Variants in SIRT5 observed in about 807,000 individuals in gnomAD.
SIRT5 encodes the protein sirtuin 5.
SIRT5 carries 26 observed loss-of-function variants against 40.0 expected under a neutral mutation model. The observed-to-expected ratio is 0.65, with a 90% confidence interval of 0.48 to 0.90. The LOEUF (loss-of-function observed/expected upper bound fraction) is 0.90. Among genes scored for constraint, SIRT5 ranks in the 40% least tolerant of loss-of-function variants. The probability of loss-of-function intolerance (pLI) is 0.00; values close to 1 mark genes in which losing one functional copy is unlikely to be tolerated. For missense variants in SIRT5, 401 were observed against 402.4 expected, an observed-to-expected ratio of 1.00 and a Z score of 0.03; for synonymous variants, 146 against 149.1, an observed-to-expected ratio of 0.98 and a Z score of 0.15.
rs564197179 is a variant in SIRT5 at position 13,598,641 on chromosome 6, C to T, written c.618-391C>T. Among the ~76,000 whole-genome samples the T allele has an allele frequency of 1.2e-4, 19 of 152,046 alleles. No homozygotes were observed. The East Asian group carries it at 1.5e-3, about 12-fold the overall frequency. ...GGTCAGCAGTTTGAGACCAGCCCGG[C>T]GAATGTGGTGAAACATGTCTCTACT... On this transcript the variant is annotated intron_variant, in intron 7 of 9. Transcript: ENST00000606117.
intron 4 of SIRT5, among the ~76,000 whole-genome samples, chr6:13,590,569 TTG>T (rs1301715527): frequency 2.0e-5 from 3 of 151,932 alleles, no homozygotes; most frequent in African/African-American, 7.2e-5. Context: ...GTATGTTTAG[TTG>T]TGTGTGTATT....
At chr6:13,604,404 C>T in intron 9 of SIRT5, 1 of 933,532 alleles carries the variant, frequency 1.1e-6, no homozygotes, top group Non-Finnish European at 1.7e-6. Flanking sequence ...AAGAGTGGGA[C>T]AGGATAAACT....
intron 6 of SIRT5, 150 bp downstream of exon 6, chr6:13,595,714 T>G (rs1434459725): frequency 3.0e-6 from 2 of 677,018 alleles, no homozygotes; most frequent in Non-Finnish European, 2.5e-6. Context: ...GGCTCATGCC[T>G]GTAATCCCAG....
At chr6:13,605,774 G>T in intron 9 of SIRT5, 1 of 985,436 alleles carries the variant, frequency 1.0e-6, no homozygotes, top group Non-Finnish European at 1.2e-6. Flanking sequence ...ACCCCAGGGG[G>T]CCTTGGCTTG....
Position 13,600,577 on chromosome 6 carries a change from T to C in SIRT5, c.742-257T>C, listed in dbSNP as rs568922539. Among the ~76,000 whole-genome samples, 4 of 152,332 alleles carry C rather than the reference T, an allele frequency of 2.6e-5. No individual in the cohort carries two copies. The South Asian group carries it at 8.3e-4, about 32-fold the overall frequency. ...AACCAGAATTAACCCCAAAACATGT[T>C]GATTGAGTCACTTCTATGTCACTCT... On this transcript the variant is annotated intron_variant, in intron 8 of 9. Transcript: ENST00000606117.
At chr6:13,578,402 C>T (rs1422680852) in intron 1 of SIRT5, among the ~76,000 whole-genome samples, 4 of 151,944 alleles carry the variant, frequency 2.6e-5, no homozygotes, top group East Asian at 1.9e-4. Flanking sequence ...AGGCGGATCA[C>T]GAGGTCAGGA....
At chr6:13,577,294 C>G (rs990773177) in intron 1 of SIRT5, among the ~76,000 whole-genome samples, 17 of 152,062 alleles carry the variant, frequency 1.1e-4, no homozygotes, top group African/African-American at 4.1e-4. Context: ...ACATGGGATA[C>G]CTTTTTACTT....
At chr6:13,591,998 C>A in intron 5 of SIRT5, 104 bp downstream of exon 5, 1 of 1,067,320 alleles carries the variant, frequency 9.4e-7, no homozygotes, top group Non-Finnish European at 1.4e-6. Flanking sequence ...GCTGGACATC[C>A]GTCCTGTCCT....
chr6:13,612,898 G>A lies in SIRT5; in HGVS notation c.*1033G>A, dbSNP rs12154064. 0.039 allele frequency: 5,960 copies of A among 152,220 alleles called. 169 individuals carry two copies. The highest frequency in any genetic ancestry group is 0.061 in the Non-Finnish European group (4,161 of 68,008). The allele number at this position is 152,220 out of a possible 1,614,324, so 9.4% of individuals were successfully genotyped here. ...AAAGGCAGAAGCTGTGGTTCCTGTGGGGCCTGCCAACCGTTCCCAGATGCT... is the reference window on the plus strand; with the variant it reads ...AAAGGCAGAAGCTGTGGTTCCTGTGAGGCCTGCCAACCGTTCCCAGATGCT... On this transcript the variant is annotated 3_prime_UTR_variant, in exon 10 of 10. Transcript: ENST00000606117.
At chr6:13,582,744 C>A (rs957729187) in intron 2 of SIRT5, among the ~76,000 whole-genome samples, 9 of 151,762 alleles carry the variant, frequency 5.9e-5, no homozygotes, top group African/African-American at 2.2e-4. Context: ...TGTTGTCTTT[C>A]TCTGTGTTTG....
intron 1 of SIRT5, among the ~76,000 whole-genome samples, chr6:13,575,547 A>G (rs1018837884): frequency 2.6e-5 from 4 of 151,630 alleles, no homozygotes; most frequent in African/African-American, 9.7e-5. Context: ...TATTTATATA[A>G]TTATTTTTAT....
At chr6:13,575,829 CT>C (rs1758554370) in intron 1 of SIRT5, among the ~76,000 whole-genome samples, 1 of 152,182 alleles carries the variant, frequency 6.6e-6, no homozygotes, top group Admixed American at 6.5e-5. Context: ...TGCCAGGCCC[CT>C]GGTAACCATC....
Position 13,614,560 on chromosome 6 carries a change from T to A in SIRT5, c.*2695T>A. 1 of 152,256 alleles carries A rather than the reference T, an allele frequency of 6.6e-6. No homozygotes were observed. Among genetic ancestry groups the A allele is most frequent in the East Asian group, 1.9e-4 (1 of 5,206 alleles). 9.4% of individuals were successfully genotyped at this position (152,256 alleles called of 1,614,324 possible). A position where few individuals can be genotyped will look rare whatever the true frequency, so the allele number is the denominator to read the frequency against. ...AAATAAAATATACTTGGAAAAAAAG[T>A]ACGTATGTGTATATACCACAAAACT... On this transcript the variant is annotated 3_prime_UTR_variant, in exon 10 of 10. Transcript: ENST00000606117.
intron 4 of SIRT5, among the ~76,000 whole-genome samples, chr6:13,590,974 TGTTTA>T (rs1446967901): frequency 6.6e-6 from 1 of 151,906 alleles, no homozygotes; most frequent in African/African-American, 2.4e-5. Flanking sequence ...TGTAGTTGTA[TGTTTA>T]GTTGTGTGTA....
intron 5 of SIRT5, among the ~76,000 whole-genome samples, chr6:13,594,961 C>T (rs889424887): frequency 6.6e-6 from 1 of 152,110 alleles, no homozygotes; most frequent in Non-Finnish European, 1.5e-5. Context: ...TAAACATATC[C>T]CACGCCATTG....
intron 2 of SIRT5, among the ~76,000 whole-genome samples, chr6:13,583,586 A>G (rs1350733619): frequency 1.3e-5 from 2 of 152,076 alleles, no homozygotes; most frequent in African/African-American, 2.4e-5. Flanking sequence ...GAGCCACTGC[A>G]CCTGGCTTCA....
chr6:13,615,057 C>T lies in SIRT5; in HGVS notation c.*3192C>T, dbSNP rs1400584840. Reference sequence around the variant, plus strand: ...AGCGTGAGCCGTGCCAGCCCTGTCTCGCCATCCCAGCCGAGGAGGGCAGCG... The same window carrying T: ...AGCGTGAGCCGTGCCAGCCCTGTCTTGCCATCCCAGCCGAGGAGGGCAGCG... On this transcript the variant is annotated 3_prime_UTR_variant, in exon 10 of 10. Coordinates refer to ENST00000606117, the MANE Select transcript of SIRT5 (RefSeq NM_012241.5). 1 of 377,268 alleles carries T rather than the reference C, an allele frequency of 2.7e-6. No homozygotes were observed. Among genetic ancestry groups the T allele is most frequent in the Admixed American group, 4.3e-5 (1 of 23,290 alleles). The allele number at this position is 377,268 out of a possible 1,614,324, so 23.4% of individuals were successfully genotyped here. A position where few individuals can be genotyped will look rare whatever the true frequency, so the allele number is the denominator to read the frequency against.
chr6:13,583,514 A>T (rs1759647049), intron 2 of SIRT5, among the ~76,000 whole-genome samples: 1 of 152,002 alleles, frequency 6.6e-6, no homozygotes, highest in Non-Finnish European at 1.5e-5. Context: ...GGCTGGTCTC[A>T]AACTCCTGAC....
rs1477609444 is a variant in SIRT5 at position 13,613,950 on chromosome 6, TCA to T, written c.*2086_*2087del. 3.3e-5 allele frequency: 5 copies of T among 152,258 alleles called. No individual in the cohort carries two copies. Among genetic ancestry groups the T allele is most frequent in the Non-Finnish European group, 5.9e-5 (4 of 68,042 alleles). 9.4% of individuals were successfully genotyped at this position (152,258 alleles called of 1,614,324 possible). On this transcript the variant is annotated 3_prime_UTR_variant, in exon 10 of 10. Coordinates refer to ENST00000606117, the MANE Select transcript of SIRT5 (RefSeq NM_012241.5). ...TCAAAACTGTTCTTTGCAATTCCTC[TCA>T]TACTGAACCTCTGGTTCAGCAGCTT...
Sources: gnomAD v4.1 joint callset for allele counts (sites outside exome capture counted in the v4.1 genomes callset) on GRCh38, gnomAD v4.1.1 for gene constraint, MANE v1.5 for transcripts, NCBI Gene and HGNC (gene_info 2026-07-23, HGNC 2026-07-21) for gene names.